The following HERC4 variants were observed in gnomAD, a reference collection of about 807,000 sequenced individuals.
The protein encoded by HERC4 is probable E3 ubiquitin-protein ligase HERC4.
In HERC4, 28 loss-of-function variants were observed where a neutral mutation model predicts 124.3. The ratio of observed to expected loss-of-function variants is 0.23; its 90% CI spans 0.17 to 0.31. The LOEUF (loss-of-function observed/expected upper bound fraction) is 0.31, where lower values mean the gene tolerates loss of function less well. Among genes scored for constraint, HERC4 ranks in the 10% least tolerant of loss-of-function variants. HERC4 has a pLI of 1.00. For missense variants in HERC4, 713 were observed against 1,229.3 expected (o/e 0.58, Z 6.28); for synonymous variants, 407 against 421.5 (o/e 0.97, Z 0.42).
intron 21 of HERC4, among the ~76,000 whole-genome samples, chr10:67,938,064 T>C (rs2032525045): frequency 6.6e-6 from 1 of 152,130 alleles, no homozygotes; most frequent in African/African-American, 2.4e-5. Flanking sequence ...GAATATGGCA[T>C]CTTTTGTCAG....
intron 8 of HERC4, among the ~76,000 whole-genome samples, chr10:68,022,677 G>GA (rs2038699648): frequency 6.6e-6 from 1 of 151,600 alleles, no homozygotes; most frequent in Non-Finnish European, 1.5e-5. Context: ...GCCAACAAAA[G>GA]AAAAAATAAA....
At chr10:68,011,437 T>G (rs2037948439) in intron 9 of HERC4, among the ~76,000 whole-genome samples, 1 of 152,194 alleles carries the variant, frequency 6.6e-6, no homozygotes, top group South Asian at 2.1e-4. Flanking sequence ...ATAATAAAAC[T>G]TGAAAGTAAA....
chr10:68,059,058 C>T (rs1165672976), intron 3 of HERC4, among the ~76,000 whole-genome samples: 1 of 151,950 alleles, frequency 6.6e-6, no homozygotes, highest in Non-Finnish European at 1.5e-5. Flanking sequence ...GTTTAAAAAA[C>T]CCAAAATGTA....
chr10:68,051,841 T>C (rs923338701), intron 3 of HERC4, among the ~76,000 whole-genome samples: 2 of 151,464 alleles, frequency 1.3e-5, no homozygotes, highest in Admixed American at 1.3e-4. Flanking sequence ...GGCTAATTTT[T>C]TGTATTTTTT....
chr10:68,055,534 T>C (rs1234704748), intron 3 of HERC4, among the ~76,000 whole-genome samples: 1 of 152,206 alleles, frequency 6.6e-6, no homozygotes, highest in Non-Finnish European at 1.5e-5. Flanking sequence ...CTTATGTGCC[T>C]GGCACTAAGC....
rs1564609450 is a variant in HERC4 at position 68,059,796 on chromosome 10, A to AATATTATATATTATATTATATATC, written c.226+13086_226+13087insGATATATAATATAATATATAATAT. 4.7e-5 allele frequency among the ~76,000 whole-genome samples: 4 copies of AATATTATATATTATATTATATATC among 85,470 alleles called. 2 individuals are homozygous for AATATTATATATTATATTATATATC. Among genetic ancestry groups the AATATTATATATTATATTATATATC allele is most frequent in the African/African-American group, 2.8e-4 (4 of 14,226 alleles). The allele number at this position is 85,470 out of a possible 152,430, so 56.1% of individuals were successfully genotyped here. ...TATATATTATAATATTATATATCAT[A>AATATTATATATTATATTATATATC]ATATTATATATTATAATATTATATA... On this transcript the variant is annotated intron_variant, in intron 3 of 24. Coordinates refer to ENST00000373700, the MANE Select transcript of HERC4 (RefSeq NM_015601.4).
intron 7 of HERC4, among the ~76,000 whole-genome samples, chr10:68,027,594 C>T (rs2038970106): frequency 6.6e-6 from 1 of 152,194 alleles, no homozygotes; most frequent in South Asian, 2.1e-4. Context: ...CATCATGTCA[C>T]AAAGCATATG....
intron 24 of HERC4, 66 bp downstream of exon 24, chr10:67,925,019 G>A (rs1386918789): frequency 1.3e-5 from 11 of 862,110 alleles, no homozygotes; most frequent in Non-Finnish European, 2.0e-5. Flanking sequence ...TTAAAACAGG[G>A]CTTTGGAATA....
In HERC4 at chr10:68,073,155, T is replaced by C. The variant is rs561160357; in HGVS notation, c.-47A>G. Reference sequence around the variant, plus strand: ...CCAGTTTCAATAAAAAATTCTCTTCTGAAACCCCGGAAAGTTGGAGGTACC... The same window carrying C: ...CCAGTTTCAATAAAAAATTCTCTTCCGAAACCCCGGAAAGTTGGAGGTACC... On this transcript the variant is annotated 5_prime_UTR_variant, in exon 3 of 25. Coordinates refer to ENST00000373700, the MANE Select transcript of HERC4 (RefSeq NM_015601.4). 3.3e-6 allele frequency: 5 copies of C among 1,522,478 alleles called. No homozygotes were observed. The highest frequency in any genetic ancestry group is 2.8e-5 in the African/African-American group (2 of 72,260). The allele number at this position is 1,522,478 out of a possible 1,614,324, so 94.3% of individuals were successfully genotyped here. A position where few individuals can be genotyped will look rare whatever the true frequency, so the allele number is the denominator to read the frequency against.
chr10:68,046,499 G>A (rs2040016669), intron 3 of HERC4, among the ~76,000 whole-genome samples: 1 of 152,152 alleles, frequency 6.6e-6, no homozygotes, highest in Non-Finnish European at 1.5e-5. Context: ...TTAAACAGTT[G>A]TATTGTACAC....
At position 68,073,138 on chromosome 10, in the gene HERC4, A is replaced by C. The variant is rs770949625; in HGVS notation, c.-30T>G. The C allele has an allele frequency of 8.2e-6, 13 of 1,583,604 alleles. No individual in the cohort carries two copies. The highest frequency in any genetic ancestry group is 8.6e-6 in the Non-Finnish European group (10 of 1,162,020). ...GTAATTATTTTGGTCTTCCAGTTTC[A>C]ATAAAAAATTCTCTTCTGAAACCCC... On this transcript the variant is annotated 5_prime_UTR_variant, in exon 3 of 25. The change creates a new upstream start codon in the 5' untranslated region. Coordinates refer to ENST00000373700, the MANE Select transcript of HERC4 (RefSeq NM_015601.4).
At chr10:68,044,891 C>T (rs1326893056) in intron 3 of HERC4, among the ~76,000 whole-genome samples, 1 of 151,926 alleles carries the variant, frequency 6.6e-6, no homozygotes, top group East Asian at 1.9e-4. Flanking sequence ...CTATTCAAAT[C>T]TATTACTAAT....
At chr10:67,926,766 C>T (rs1589105879) in intron 23 of HERC4, among the ~76,000 whole-genome samples, 1 of 152,218 alleles carries the variant, frequency 6.6e-6, no homozygotes, top group African/African-American at 2.4e-5. Flanking sequence ...TGGAGCTCAC[C>T]GTCTAGTAAG....
At chr10:68,010,556 C>CT in intron 9 of HERC4, 2 of 1,025,590 alleles carry the variant, frequency 2.0e-6, no homozygotes, top group South Asian at 2.7e-5. Flanking sequence ...GGAACACATT[C>CT]TCCAGGTTCT....
At position 68,034,186 on chromosome 10, in the gene HERC4, G is replaced by C. The variant is rs572543106; in HGVS notation, c.464C>G (p.Ala155Gly). ...GYYHSLALSK[A>G]SEVFCWGQNK... Reference sequence around the variant, plus strand: ...CTGTCCCCAACAGAAGACTTCACTTGCTGTAAAACAGTAATGGAAAAATTA... The same window carrying C: ...CTGTCCCCAACAGAAGACTTCACTTCCTGTAAAACAGTAATGGAAAAATTA... Residue 155 changes from alanine to glycine, a missense_variant and splice_region_variant, in exon 6 of 25, where the codon GCA (alanine) becomes GGA (glycine). Transcript: ENST00000373700. 6 of 1,594,960 alleles carry C rather than the reference G, an allele frequency of 3.8e-6. No homozygotes were observed. In the East Asian group the frequency reaches 1.3e-4, roughly 36 times the overall value.
rs149400454 is a variant in HERC4 at position 68,064,059 on chromosome 10, A to C, written c.226+8824T>G. On this transcript the variant is annotated intron_variant, in intron 3 of 24. Coordinates refer to ENST00000373700, the MANE Select transcript of HERC4 (RefSeq NM_015601.4). ...GGAGTTCTAGAACAGCCTGGTCAAC[A>C]TGGCAAAACTCCACCTCTACTAAAA... 7.1e-3 allele frequency among the ~76,000 whole-genome samples: 1,086 copies of C among 152,282 alleles called. 13 individuals carry two copies. Among genetic ancestry groups the C allele is most frequent in the African/African-American group, 0.025 (1,031 of 41,548 alleles).
At chr10:68,059,039 T>C (rs10997920) in intron 3 of HERC4, among the ~76,000 whole-genome samples, 14,889 of 152,038 alleles carry the variant, frequency 0.098, 1,113 homozygotes, top group East Asian at 0.4. Flanking sequence ...CAAGTGTGTA[T>C]TTTTCCTTGT....
chr10:68,055,748 C>A (rs61857523), intron 3 of HERC4, among the ~76,000 whole-genome samples: 8,145 of 150,300 alleles, frequency 0.054, 309 homozygotes, highest in Middle Eastern at 0.11. Flanking sequence ...AGGGGCATTA[C>A]AATATCCTTT....
intron 8 of HERC4, among the ~76,000 whole-genome samples, chr10:68,015,131 T>C (rs1317957950): frequency 6.6e-6 from 1 of 152,234 alleles, no homozygotes; most frequent in Non-Finnish European, 1.5e-5. Flanking sequence ...GAAACAACAG[T>C]GTCTCAGTTC....
Sources: gnomAD v4.1 joint callset for allele counts (sites outside exome capture counted in the v4.1 genomes callset) on GRCh38, gnomAD v4.1.1 for gene constraint, MANE v1.5 for transcripts, NCBI Gene and HGNC (gene_info 2026-07-23, HGNC 2026-07-21) for gene names.